TPRG1: variants seen among roughly 807,000 people sequenced by gnomAD.
TPRG1 encodes tumor protein p63-regulated gene 1 protein.
A neutral mutation model predicts 29.3 loss-of-function variants in TPRG1; 29 were observed. That is an observed-to-expected ratio of 0.99 (90% CI 0.74 to 1.35). The LOEUF (loss-of-function observed/expected upper bound fraction) is 1.35. Ranked by LOEUF, TPRG1 falls within the 40% of genes most tolerant of loss-of-function variation. TPRG1 has a pLI of 0.00. For missense variants in TPRG1, 327 were observed against 335.0 expected, an observed-to-expected ratio of 0.98 and a Z score of 0.19; for synonymous variants, 130 against 116.8, an observed-to-expected ratio of 1.11 and a Z score of -0.73.
intron 4 of TPRG1, among the ~76,000 whole-genome samples, chr3:189,046,562 A>T (rs1326461085): frequency 3.3e-5 from 5 of 152,216 alleles, no homozygotes; most frequent in Non-Finnish European, 7.3e-5. Context: ...CATCTGACAA[A>T]CTAGGGAAAA....
intron 3 of TPRG1, chr3:189,219,908 T>C (rs1736690114): frequency 3.4e-6 from 1 of 294,894 alleles, no homozygotes; most frequent in Admixed American, 6.5e-5. Flanking sequence ...TCCCAGGGCT[T>C]CGGTGTAATT....
intron 4 of TPRG1, among the ~76,000 whole-genome samples, chr3:189,056,246 C>T (rs1162411916): frequency 6.6e-6 from 1 of 152,094 alleles, no homozygotes; most frequent in Non-Finnish European, 1.5e-5. Context: ...CAGGCACATG[C>T]CATCATGCCC....
chr3:189,303,406 G>A (rs1721138883), intron 4 of TPRG1, among the ~76,000 whole-genome samples: 2 of 152,090 alleles, frequency 1.3e-5, no homozygotes, highest in Admixed American at 1.3e-4. Context: ...TTTGTGTAGA[G>A]TTAGAGTGTC....
chr3:189,143,790 T>C (rs1351751601), intron 3 of TPRG1, among the ~76,000 whole-genome samples: 1 of 152,236 alleles, frequency 6.6e-6, no homozygotes, highest in East Asian at 1.9e-4. Flanking sequence ...ATTTGGATTC[T>C]GGTCTCTGTC....
At position 189,122,826 on chromosome 3, in the gene TPRG1, A is replaced by C. The variant is rs147880495; in HGVS notation, c.-743-4231A>C. On this transcript the variant is annotated intron_variant, in intron 1 of 6. Transcript: ENST00000412373. The stretch of plus-strand genomic sequence containing the variant: ...TGAGATAAGAAATACAGAGATTATC[A>C]GTCCTTTTGGTTTTTTAACAAATGA... 7.4e-3 allele frequency among the ~76,000 whole-genome samples: 1,134 copies of C among 152,338 alleles called. 11 individuals carry two copies. The highest frequency in any genetic ancestry group is 0.025 in the African/African-American group (1,054 of 41,584).
chr3:189,059,571 G>A (rs902173334), intron 4 of TPRG1, among the ~76,000 whole-genome samples: 29 of 149,928 alleles, frequency 1.9e-4, no homozygotes, highest in Non-Finnish European at 4.1e-4. Flanking sequence ...CAGCCTGAGC[G>A]ACAGAGCAAG....
chr3:189,040,953 T>G (rs993637592), intron 4 of TPRG1, among the ~76,000 whole-genome samples: 1 of 152,190 alleles, frequency 6.6e-6, no homozygotes, highest in African/African-American at 2.4e-5. Flanking sequence ...CTCAAGCCTG[T>G]TCAGCCCTGG....
chr3:189,002,176 G>A (rs556380382), intron 2 of TPRG1, among the ~76,000 whole-genome samples: 36 of 152,284 alleles, frequency 2.4e-4, no homozygotes, highest in South Asian at 6.2e-4. Flanking sequence ...AATATGCAGC[G>A]CGCTGCCTCA....
chr3:189,319,595 C>T (rs975628465), intron 5 of TPRG1, among the ~76,000 whole-genome samples: 4 of 152,190 alleles, frequency 2.6e-5, no homozygotes, highest in African/African-American at 9.6e-5. Flanking sequence ...AAGCCACCGT[C>T]GTATCTTGCC....
At chr3:189,237,120 C>T (rs552420898) in intron 3 of TPRG1, among the ~76,000 whole-genome samples, 4 of 152,094 alleles carry the variant, frequency 2.6e-5, no homozygotes, top group Non-Finnish European at 5.9e-5. Context: ...TGCAGATTTC[C>T]ACCTCCAGCC....
chr3:189,012,001 G>C (rs900575659), intron 3 of TPRG1, among the ~76,000 whole-genome samples: 1 of 152,200 alleles, frequency 6.6e-6, no homozygotes, highest in African/African-American at 2.4e-5. Flanking sequence ...AGACTTTGTT[G>C]AAGTTGTTTA....
At chr3:189,110,156 A>G (rs1379028853) in intron 1 of TPRG1, among the ~76,000 whole-genome samples, 2 of 152,200 alleles carry the variant, frequency 1.3e-5, no homozygotes, top group African/African-American at 2.4e-5. Context: ...TGCATTGTGT[A>G]GTATATGTTT....
chr3:189,317,700 C>T (rs961391780), intron 5 of TPRG1, among the ~76,000 whole-genome samples: 1 of 152,130 alleles, frequency 6.6e-6, no homozygotes, highest in Non-Finnish European at 1.5e-5. Context: ...TGATTTTTCC[C>T]ATGGGGGACA....
In TPRG1 at chr3:189,318,288, C is replaced by G. The variant is rs546493796; in HGVS notation, c.634-2338C>G. On this transcript the variant is annotated intron_variant, in intron 5 of 5. Transcript: ENST00000345063. ...GTGAAGAAACTTTGGTTTAGCTGTA[C>G]AGACAGCCACATTTGTGACTCTACT... 7.2e-5 allele frequency among the ~76,000 whole-genome samples: 11 copies of G among 152,100 alleles called. No homozygotes were observed. In the South Asian group the frequency reaches 1.4e-3, roughly 20 times the overall value.
At chr3:189,071,792 A>T (rs188543414) in intron 4 of TPRG1, among the ~76,000 whole-genome samples, 1 of 152,338 alleles carries the variant, frequency 6.6e-6, no homozygotes, top group Admixed American at 6.5e-5. Flanking sequence ...TAGGATTATA[A>T]TATAATGAAG....
At chr3:189,263,417 C>T (rs1713491946) in intron 4 of TPRG1, among the ~76,000 whole-genome samples, 1 of 152,156 alleles carries the variant, frequency 6.6e-6, no homozygotes, top group South Asian at 2.1e-4. Context: ...CTGCTAGATC[C>T]CAAGAACCTG....
intron 3 of TPRG1, among the ~76,000 whole-genome samples, chr3:189,016,480 T>C (rs1712939809): frequency 6.6e-6 from 1 of 151,950 alleles, no homozygotes; most frequent in South Asian, 2.1e-4. Flanking sequence ...AGTTAAGACA[T>C]TGGGGGACTG....
chr3:189,156,634 C>T (rs1242237551), intron 5 of TPRG1, among the ~76,000 whole-genome samples: 2 of 152,150 alleles, frequency 1.3e-5, no homozygotes, highest in Non-Finnish European at 2.9e-5. Flanking sequence ...TAAACCAGGA[C>T]AAAATTCATG....
rs1338327735 is a variant in TPRG1 at position 189,072,634 on chromosome 3, T to C, written c.-463+48688T>C. Among the ~76,000 whole-genome samples, 3 of 152,102 alleles carry C rather than the reference T, an allele frequency of 2.0e-5. No homozygotes were observed. In the East Asian group the frequency reaches 5.8e-4, roughly 29 times the overall value. ...GTGTTCAGTTTCTCCACTTTTTTCT[T>C]TTTTCTTTATAAGTAATTTGTAGTG... On this transcript the variant is annotated intron_variant, in intron 4 of 10. Coordinates refer to the TPRG1 transcript ENST00000433971.
Sources: allele counts gnomAD v4.1 joint callset (sites outside exome capture counted in the v4.1 genomes callset), GRCh38; gene constraint gnomAD v4.1.1; transcripts MANE v1.5; gene names NCBI Gene and HGNC (gene_info 2026-07-23, HGNC 2026-07-21).